The following RELL1 variants were observed in gnomAD, a reference collection of about 807,000 sequenced individuals.
The protein encoded by RELL1 is RELT-like protein 1.
A neutral mutation model predicts 23.0 loss-of-function variants in RELL1; 10 were observed. The observed-to-expected ratio is 0.43, with a 90% CI of 0.27 to 0.74. RELL1 has a LOEUF of 0.74. RELL1 is among the 30% of genes least tolerant of loss of function. The pLI is 0.19. For missense variants in RELL1, 315 were observed against 364.4 expected (o/e 0.86, Z 1.10); for synonymous variants, 146 against 146.8 (o/e 0.99, Z 0.04).
intron 6 of RELL1, among the ~76,000 whole-genome samples, chr4:37,630,434 G>A (rs961341465): frequency 2.9e-5 from 4 of 136,024 alleles, no homozygotes; most frequent in South Asian, 4.7e-4. Flanking sequence ...GCGTGATCTC[G>A]GCTCACTGCA....
chr4:37,669,570 G>T (rs1721742292), intron 1 of RELL1, among the ~76,000 whole-genome samples: 1 of 152,156 alleles, frequency 6.6e-6, no homozygotes, highest in African/African-American at 2.4e-5. Flanking sequence ...TGATGACAAT[G>T]GCAGTTTTGT....
rs185162365 is a variant in RELL1 at position 37,671,654 on chromosome 4, G to A, written c.88+14546C>T. On this transcript the variant is annotated intron_variant, in intron 1 of 6. Transcript: ENST00000454158. ...CTCACCCTCTTCCTGGAAAACTCAC[G>A]AATAATCCACCCCTTGTTCGGCGTA... Among the ~76,000 whole-genome samples, 170 of 152,254 alleles carry A rather than the reference G, an allele frequency of 1.1e-3. 1 individual carries two copies. Among genetic ancestry groups the A allele is most frequent in the Admixed American group, 2.9e-3 (44 of 15,298 alleles).
At chr4:37,594,631 G>A (rs549088875) in intron 6 of RELL1, among the ~76,000 whole-genome samples, 36 of 152,308 alleles carry the variant, frequency 2.4e-4, no homozygotes, top group African/African-American at 8.2e-4. Context: ...AGCAGATGTA[G>A]TGAATAGTTA....
At chr4:37,672,865 T>A (rs1371194095) in intron 1 of RELL1, among the ~76,000 whole-genome samples, 3 of 152,164 alleles carry the variant, frequency 2.0e-5, no homozygotes, top group Non-Finnish European at 4.4e-5. Flanking sequence ...CATGGTTTAT[T>A]TAGAGATTGC....
chr4:37,673,175 A>T (rs192068451), intron 1 of RELL1, among the ~76,000 whole-genome samples: 263 of 74,180 alleles, frequency 3.5e-3, no homozygotes, highest in African/African-American at 0.011. Context: ...AAGACTATAT[A>T]CTTTTTTTTT....
chr4:37,629,236 T>C (rs1348233252), intron 6 of RELL1, among the ~76,000 whole-genome samples: 1 of 152,208 alleles, frequency 6.6e-6, no homozygotes, highest in Non-Finnish European at 1.5e-5. Flanking sequence ...TGGCTGGGCC[T>C]TCCTCACCTA....
At chr4:37,639,114 G>A (rs1720433582) in intron 3 of RELL1, among the ~76,000 whole-genome samples, 1 of 152,158 alleles carries the variant, frequency 6.6e-6, no homozygotes, top group Admixed American at 6.5e-5. Flanking sequence ...GCCAGGCGCT[G>A]TGGCTCACGC....
chr4:37,621,104 G>C (rs1719745904), intron 6 of RELL1, among the ~76,000 whole-genome samples: 1 of 152,182 alleles, frequency 6.6e-6, no homozygotes, highest in South Asian at 2.1e-4. Context: ...ACAGAAAATA[G>C]GTACTGTTTT....
At chr4:37,646,413 AG>A (rs1720712306) in intron 3 of RELL1, among the ~76,000 whole-genome samples, 1 of 152,216 alleles carries the variant, frequency 6.6e-6, no homozygotes, top group South Asian at 2.1e-4. Flanking sequence ...ACAGAAGCAC[AG>A]CAGCAGCTGC....
At chr4:37,639,539 C>G (rs573030602) in intron 3 of RELL1, among the ~76,000 whole-genome samples, 4 of 150,416 alleles carry the variant, frequency 2.7e-5, no homozygotes, top group Non-Finnish European at 5.9e-5. Flanking sequence ...AAAACCTAAT[C>G]TAAGATTCTT....
At chr4:37,671,041 A>T (rs1721817728) in intron 1 of RELL1, among the ~76,000 whole-genome samples, 1 of 152,198 alleles carries the variant, frequency 6.6e-6, no homozygotes, top group African/African-American at 2.4e-5. Context: ...CTCCAACACC[A>T]ACCGGGTGTC....
At chr4:37,676,871 C>T (rs1254462786) in intron 1 of RELL1, among the ~76,000 whole-genome samples, 1 of 152,088 alleles carries the variant, frequency 6.6e-6, no homozygotes, top group East Asian at 1.9e-4. Context: ...TAAATATTTA[C>T]TCTATTCCGG....
At chr4:37,652,337 C>G (rs1720976559) in intron 1 of RELL1, among the ~76,000 whole-genome samples, 1 of 152,198 alleles carries the variant, frequency 6.6e-6, no homozygotes, top group Non-Finnish European at 1.5e-5. Context: ...TGATTTCTCC[C>G]TGAAGAATCA....
intron 6 of RELL1, among the ~76,000 whole-genome samples, chr4:37,626,759 T>C (rs1226797444): frequency 6.6e-6 from 1 of 151,740 alleles, no homozygotes; most frequent in African/African-American, 2.4e-5. Flanking sequence ...TGGAGCACAT[T>C]ACATTGAGTG....
chr4:37,624,824 T>C (rs1245336198), intron 6 of RELL1, among the ~76,000 whole-genome samples: 1 of 152,186 alleles, frequency 6.6e-6, no homozygotes, highest in Non-Finnish European at 1.5e-5. Flanking sequence ...TGAGATGTCC[T>C]GAGAGTCCAA....
intron 3 of RELL1, among the ~76,000 whole-genome samples, chr4:37,645,906 G>A (rs776397156): frequency 6.6e-5 from 10 of 152,216 alleles, no homozygotes; most frequent in Non-Finnish European, 1.0e-4. Flanking sequence ...CTGACAAACA[G>A]GCTGGGCAGG....
intron 1 of RELL1, among the ~76,000 whole-genome samples, chr4:37,661,050 C>A (rs990202808): frequency 7.3e-5 from 11 of 150,592 alleles, no homozygotes; most frequent in East Asian, 2.0e-4. Flanking sequence ...AAACAAAAAA[C>A]AAAAAACCAC....
chr4:37,670,931 C>A (rs1721814032), intron 1 of RELL1, among the ~76,000 whole-genome samples: 3 of 152,182 alleles, frequency 2.0e-5, no homozygotes, highest in Admixed American at 1.3e-4. Flanking sequence ...GTAAACTATG[C>A]AATTTCAGAG....
chr4:37,685,468 A>C (rs1338388738), intron 1 of RELL1, among the ~76,000 whole-genome samples: 1 of 152,216 alleles, frequency 6.6e-6, no homozygotes, highest in Non-Finnish European at 1.5e-5. Flanking sequence ...CCTCCTCTTA[A>C]GATTGATTTC....
Sources: gnomAD v4.1 joint callset for allele counts (sites outside exome capture counted in the v4.1 genomes callset) on GRCh38, gnomAD v4.1.1 for gene constraint, MANE v1.5 for transcripts, NCBI Gene and HGNC (gene_info 2026-07-23, HGNC 2026-07-21) for gene names.